Variants in WDR83 observed in about 807,000 individuals in gnomAD.
WDR83 encodes WD repeat domain 83.
In WDR83, 37 loss-of-function variants were observed where a neutral mutation model predicts 37.7. The observed-to-expected ratio is 0.98, with a 90% CI of 0.76 to 1.29. WDR83 has a LOEUF of 1.29. WDR83 is among the 50% of genes most tolerant of loss of function. The probability of loss-of-function intolerance (pLI) is 0.00; values close to 1 mark genes in which losing one functional copy is unlikely to be tolerated. For synonymous variants in WDR83, 174 were observed against 181.1 expected (o/e 0.96, Z 0.31); for missense variants, 445 against 414.4 (o/e 1.07, Z -0.64).
chr19:12,669,740 GA>G lies in WDR83; in HGVS notation c.-36-13del. Reference sequence around the variant, plus strand: ...CCCAAGCGTGGGTTTCTAAGGCGCGGAATTTTCCGTACAGACCGATTTAAGG... The same window carrying G: ...CCCAAGCGTGGGTTTCTAAGGCGCGGATTTTCCGTACAGACCGATTTAAGG... On this transcript the variant is annotated splice_polypyrimidine_tract_variant and intron_variant, in intron 2 of 10. Transcript: ENST00000418543. 6.6e-7 allele frequency: 1 copy of G among 1,526,492 alleles called. No individual in the cohort carries two copies. The allele number at this position is 1,526,492 out of a possible 1,614,324, so 94.6% of individuals were successfully genotyped here. A position where few individuals can be genotyped will look rare whatever the true frequency, so the allele number is the denominator to read the frequency against.
intron 1 of WDR83, chr19:12,668,303 A>G: frequency 6.4e-7 from 1 of 1,558,076 alleles, no homozygotes; most frequent in Middle Eastern, 1.7e-4. Flanking sequence ...TTTAGCAGCC[A>G]AAGCCCAGGC....
Position 12,672,828 on chromosome 19 carries a change from G to C in WDR83, c.507-19G>C. 6.4e-7 allele frequency: 1 copy of C among 1,568,000 alleles called. No homozygotes were observed. The highest frequency in any genetic ancestry group is 8.6e-7 in the Non-Finnish European group (1 of 1,156,606). Reference sequence around the variant, plus strand: ...GTGAGTGTAGTCAAGGTTCCCGCTGGATCTACCCTCTCCTGCAGCTCCGTG... The same window carrying C: ...GTGAGTGTAGTCAAGGTTCCCGCTGCATCTACCCTCTCCTGCAGCTCCGTG... On this transcript the variant is annotated intron_variant, in intron 7 of 10. Coordinates refer to ENST00000418543, the MANE Select transcript of WDR83 (RefSeq NM_001099737.3).
chr19:12,668,171 G>A, intron 1 of WDR83: 3 of 592,382 alleles, frequency 5.1e-6, no homozygotes, highest in Non-Finnish European at 9.0e-6. Context: ...GGCAGGGGAA[G>A]GGAGGCAGGA....
intron 9 of WDR83, 34 bp from the exon 10 acceptor site, chr19:12,673,168 G>A: frequency 6.2e-7 from 1 of 1,612,964 alleles, no homozygotes; most frequent in East Asian, 2.2e-5. Flanking sequence ...CACCCCTGGA[G>A]AGGACCAAGC....
rs752174235 is a variant in WDR83 at position 12,673,003 on chromosome 19, C to G, written c.575-5C>G. ...CCTCACTCACCTACCCACCCTTCCC[C>G]CAAGGCCCCATCACCTGCACCTGCT... On this transcript the variant is annotated splice_polypyrimidine_tract_variant and splice_region_variant and intron_variant, in intron 8 of 10. Coordinates refer to ENST00000418543, the MANE Select transcript of WDR83 (RefSeq NM_001099737.3). 13 of 1,612,600 alleles carry G rather than the reference C, an allele frequency of 8.1e-6. No homozygotes were observed. Among genetic ancestry groups the G allele is most frequent in the Non-Finnish European group, 1.1e-5 (13 of 1,179,290 alleles).
intron 1 of WDR83, chr19:12,668,039 A>G (rs1171101451): frequency 3.4e-6 from 1 of 298,240 alleles, no homozygotes; most frequent in African/African-American, 2.2e-5. Flanking sequence ...GCCAGGTAGG[A>G]GGAACACCCC....
intron 7 of WDR83, chr19:12,671,042 A>C: frequency 9.2e-5 from 55 of 600,860 alleles, no homozygotes; most frequent in Non-Finnish European, 1.1e-4. Flanking sequence ...AATAATAATA[A>C]TCTGGCCGGG....
At position 12,669,892 on chromosome 19, in the gene WDR83, T is replaced by C; in HGVS notation, c.102T>C (p.Asn34=). 1.9e-6 allele frequency: 3 copies of C among 1,606,276 alleles called. No homozygotes were observed. Among genetic ancestry groups the C allele is most frequent in the East Asian group, 2.2e-5 (1 of 44,628 alleles). ...GGGCAGTGCGAGCCGTACGATTTAA[T>C]GGTGAGCGCCTTCGTCTTCATTCCG... ...GQGAVRAVRF[N]VDGNYCLTCG... Residue 34 remains asparagine (N), a splice_region_variant and synonymous_variant, in exon 3 of 11, where the codon AAT becomes AAC. Transcript: ENST00000418543.
chr19:12,672,214 G>C (rs536497240), intron 7 of WDR83: 3 of 153,896 alleles, frequency 1.9e-5, no homozygotes, highest in African/African-American at 7.2e-5. Flanking sequence ...TGGTGGCTGT[G>C]GGGGGTGCAG....
intron 2 of WDR83, 46 bp from the exon 3 acceptor site, chr19:12,669,709 G>T: frequency 7.2e-7 from 1 of 1,384,296 alleles, no homozygotes; most frequent in South Asian, 1.4e-5. Context: ...CAATAATAAG[G>T]TTACACCCAA....
Position 12,670,213 on chromosome 19 carries a change from CGGGGACAAGGCGGT to C in WDR83, c.261_274del (p.Asp88SerfsTer26), listed in dbSNP as rs1057420700. On this transcript the variant is annotated frameshift_variant, in exon 5 of 11. Coordinates refer to ENST00000418543, the MANE Select transcript of WDR83 (RefSeq NM_001099737.3). LOFTEE classifies it high-confidence loss of function. ...ACAACAGTAGTCTCTGCTCCGGCGG[CGGGGACAAGGCGGT>C]GGTTCTGTGGGATGTGGCATCAGGG... 2 of 1,613,966 alleles carry C rather than the reference CGGGGACAAGGCGGT, an allele frequency of 1.2e-6. No individual in the cohort carries two copies. Among genetic ancestry groups the C allele is most frequent in the Non-Finnish European group, 1.7e-6 (2 of 1,180,014 alleles).
intron 2 of WDR83, chr19:12,669,455 C>T (rs776197692): frequency 7.7e-6 from 12 of 1,559,178 alleles, no homozygotes; most frequent in Non-Finnish European, 1.0e-5. Context: ...TCGCAGCTTC[C>T]GGCGTGCAAG....
rs375618208 is a variant in WDR83 at position 12,671,019 on chromosome 19, AGACT to A, written c.506+200_506+203del. ...TTGCACTCCATGCTGGGTGAAAGAC[AGACT>A]GTCTACAAAATAATAATAATCTGGC... is the stretch of plus-strand genomic sequence containing the variant. On this transcript the variant is annotated intron_variant, in intron 7 of 10. Coordinates refer to ENST00000418543, the MANE Select transcript of WDR83 (RefSeq NM_001099737.3). 7.7e-4 allele frequency: 578 copies of A among 753,140 alleles called. 3 individuals carry two copies. Among genetic ancestry groups the A allele is most frequent in the African/African-American group, 2.8e-3 (156 of 56,550 alleles). 46.7% of individuals were successfully genotyped at this position (753,140 alleles called of 1,614,324 possible).
chr19:12,668,444 G>A, intron 1 of WDR83, 64 bp from the exon 2 acceptor site: 1 of 1,613,396 alleles, frequency 6.2e-7, no homozygotes, highest in Non-Finnish European at 8.5e-7. Flanking sequence ...GGAGAGAGGT[G>A]TCAGTCTAGG....
At chr19:12,670,652 C>T (rs369068744) in intron 6 of WDR83, 41 bp downstream of exon 6, 3 of 1,614,224 alleles carry the variant, frequency 1.9e-6, no homozygotes, top group Non-Finnish European at 2.5e-6. Context: ...GGGTGCTGCC[C>T]TCCCCCTCCA....
Position 12,675,768 on chromosome 19 carries a change from T to A in WDR83, c.*96T>A, listed in dbSNP as rs1568316686. On this transcript the variant is annotated 3_prime_UTR_variant, in exon 11 of 11. Coordinates refer to ENST00000418543, the MANE Select transcript of WDR83 (RefSeq NM_001099737.3). The stretch of plus-strand genomic sequence containing the variant: ...TCTAGAGACGTAGCTGACCAAAAAG[T>A]AGGGGAGGGGCTGGGTCTGCAAATT... 6.4e-7 allele frequency: 1 copy of A among 1,566,028 alleles called. No homozygotes were observed. Among genetic ancestry groups the A allele is most frequent in the Admixed American group, 1.9e-5 (1 of 52,924 alleles).
In WDR83 at chr19:12,675,789, A is replaced by C. The variant is rs185556580; in HGVS notation, c.*117A>C. 8,132 of 1,567,022 alleles carry C rather than the reference A, an allele frequency of 5.2e-3. 26 individuals carry two copies. Among genetic ancestry groups the C allele is most frequent in the Non-Finnish European group, 6.4e-3 (7,438 of 1,154,286 alleles). Reference sequence around the variant, plus strand: ...AAAGTAGGGGAGGGGCTGGGTCTGCAAATTAATAAATAGAAGAGGGGGTAA... The same window carrying C: ...AAAGTAGGGGAGGGGCTGGGTCTGCCAATTAATAAATAGAAGAGGGGGTAA... On this transcript the variant is annotated 3_prime_UTR_variant, in exon 11 of 11. Transcript: ENST00000418543.
chr19:12,675,777 G>C lies in WDR83; in HGVS notation c.*105G>C, dbSNP rs560866055. ...GTAGCTGACCAAAAAGTAGGGGAGGGGCTGGGTCTGCAAATTAATAAATAG... is the reference window on the plus strand; with the variant it reads ...GTAGCTGACCAAAAAGTAGGGGAGGCGCTGGGTCTGCAAATTAATAAATAG... On this transcript the variant is annotated 3_prime_UTR_variant, in exon 11 of 11. Transcript: ENST00000418543. 1.3e-6 allele frequency: 2 copies of C among 1,566,078 alleles called. No homozygotes were observed. The highest frequency in any genetic ancestry group is 1.7e-6 in the Non-Finnish European group (2 of 1,154,022).
chr19:12,669,395 A>G (rs773652252), intron 2 of WDR83: 15 of 1,598,480 alleles, frequency 9.4e-6, no homozygotes, highest in East Asian at 2.3e-5. Flanking sequence ...ACATATTGTT[A>G]GTGGACATAG....
Sources: gnomAD v4.1 joint callset for allele counts on GRCh38, gnomAD v4.1.1 for gene constraint, MANE v1.5 for transcripts, NCBI Gene and HGNC (gene_info 2026-07-23, HGNC 2026-07-21) for gene names.